The following NELL1 variants were observed in gnomAD, a reference collection of about 807,000 sequenced individuals.
NELL1 encodes the protein protein kinase C-binding protein NELL1.
A neutral mutation model predicts 107.4 loss-of-function variants in NELL1; 76 were observed. That is an observed-to-expected ratio of 0.71 (90% CI 0.59 to 0.86). The LOEUF is 0.86. Ranked by LOEUF, NELL1 falls within the 40% of genes least tolerant of loss-of-function variation. The pLI is 0.00. For synonymous variants in NELL1, 353 were observed against 341.2 expected (o/e 1.03, Z -0.38); for missense variants, 1,024 against 1,005.5 (o/e 1.02, Z -0.25).
In NELL1 at chr11:21,560,273, G is replaced by T; in HGVS notation, c.1871G>T (p.Cys624Phe). The stretch of plus-strand genomic sequence containing the variant: ...CTGGCAGGGGGCTTTGACTGTCTCT[G>T]CCCCTCTGGGCCCTCCTGCTCTGGT... ...INLAGGFDCL[C>F]PSGPSCSGDC... Residue 624 changes from cysteine (C) to phenylalanine (F), a missense_variant, in exon 17 of 20, where the codon TGC becomes TTC. Coordinates refer to ENST00000357134, the MANE Select transcript of NELL1 (RefSeq NM_006157.5). The T allele has an allele frequency of 6.2e-7, 1 of 1,613,580 alleles. No homozygotes were observed. The highest frequency in any genetic ancestry group is 8.5e-7 in the Non-Finnish European group (1 of 1,179,718).
At chr11:20,877,307 A>G (rs1849323072) in intron 4 of NELL1, among the ~76,000 whole-genome samples, 1 of 152,172 alleles carries the variant, frequency 6.6e-6, no homozygotes, top group Non-Finnish European at 1.5e-5. Context: ...TTACTGTCTC[A>G]TTTGGGCTTC....
chr11:21,347,160 C>A (rs1335701164), intron 14 of NELL1, among the ~76,000 whole-genome samples: 4 of 152,118 alleles, frequency 2.6e-5, no homozygotes, highest in Admixed American at 2.6e-4. Flanking sequence ...TCATGCAAGG[C>A]ATTTCCGAGG....
chr11:21,548,431 G>A (rs1199291371), intron 16 of NELL1, among the ~76,000 whole-genome samples: 3 of 151,812 alleles, frequency 2.0e-5, no homozygotes, highest in African/African-American at 7.3e-5. Flanking sequence ...CACATGGCTG[G>A]GGAGGCCTCA....
chr11:21,288,685 G>T (rs1849183612), intron 14 of NELL1, among the ~76,000 whole-genome samples: 1 of 152,190 alleles, frequency 6.6e-6, no homozygotes, highest in African/African-American at 2.4e-5. Context: ...GATTGTTTTG[G>T]TTGTCTATTG....
rs545680543 is a variant in NELL1, at chr11:21,405,730, C to G, written c.1645+34782C>G. Among the ~76,000 whole-genome samples, 3 of 152,030 alleles carry G rather than the reference C, an allele frequency of 2.0e-5. No homozygotes were observed. In the South Asian group the frequency reaches 6.2e-4, roughly 32 times the overall value. ...TTGATTTCTCAATGTGTTGAAAGAC[C>G]CTTGACCTGGTGAAAGATGGACACA... On this transcript the variant is annotated intron_variant, in intron 15 of 19. Transcript: ENST00000357134.
At chr11:20,898,079 C>A (rs1224826620) in intron 5 of NELL1, among the ~76,000 whole-genome samples, 1 of 152,100 alleles carries the variant, frequency 6.6e-6, no homozygotes, top group Admixed American at 6.5e-5. Flanking sequence ...GGTATATACC[C>A]AAAGGATTAT....
At chr11:21,173,498 C>G (rs994699286) in intron 13 of NELL1, among the ~76,000 whole-genome samples, 2 of 151,664 alleles carry the variant, frequency 1.3e-5, no homozygotes, top group Non-Finnish European at 2.9e-5. Context: ...TAATACCCAC[C>G]TTTTTCATGA....
chr11:20,783,979 T>C, intron 3 of NELL1, 149 bp downstream of exon 3: 1 of 716,106 alleles, frequency 1.4e-6, no homozygotes, highest in Non-Finnish European at 2.0e-6. Context: ...TTACTTTGCA[T>C]TAAGAATTTA....
intron 14 of NELL1, among the ~76,000 whole-genome samples, chr11:21,286,329 T>C (rs1216104932): frequency 1.3e-5 from 2 of 152,184 alleles, no homozygotes; most frequent in Non-Finnish European, 2.9e-5. Context: ...AAAATGACCC[T>C]GATAGTCACT....
chr11:21,018,609 T>C (rs1341418572), intron 12 of NELL1, among the ~76,000 whole-genome samples: 1 of 152,058 alleles, frequency 6.6e-6, no homozygotes, highest in South Asian at 2.1e-4. Context: ...TTTCTTTCAA[T>C]GTGGTAGGCA....
At chr11:21,554,973 A>G (rs1255241405) in intron 16 of NELL1, among the ~76,000 whole-genome samples, 1 of 151,974 alleles carries the variant, frequency 6.6e-6, no homozygotes, top group Non-Finnish European at 1.5e-5. Flanking sequence ...TACTTCTTCC[A>G]CTAAGGAGAA....
At position 21,288,602 on chromosome 11, in the gene NELL1, T is replaced by C. The variant is rs559283250; in HGVS notation, c.1549+59148T>C. On this transcript the variant is annotated intron_variant, in intron 14 of 19. Transcript: ENST00000357134. Reference sequence around the variant, plus strand: ...CATTGGATAAGTTGCTTAACCTCTCTGATTTCTAGTTGCTTATCTGTGCAA... The same window carrying C: ...CATTGGATAAGTTGCTTAACCTCTCCGATTTCTAGTTGCTTATCTGTGCAA... 6.6e-5 allele frequency among the ~76,000 whole-genome samples: 10 copies of C among 152,358 alleles called. No homozygotes were observed. The South Asian group carries it at 1.7e-3, about 25-fold the overall frequency.
At chr11:20,989,179 A>G (rs1851918343) in intron 12 of NELL1, among the ~76,000 whole-genome samples, 1 of 152,084 alleles carries the variant, frequency 6.6e-6, no homozygotes, top group African/African-American at 2.4e-5. Flanking sequence ...TGTTTTCCTC[A>G]GTTTCTGAAG....
chr11:21,194,449 C>A (rs183516675), intron 13 of NELL1, among the ~76,000 whole-genome samples: 5 of 133,528 alleles, frequency 3.7e-5, no homozygotes, highest in African/African-American at 1.1e-4. Context: ...ATGTCTGGAC[C>A]CCCCCATAGA....
intron 15 of NELL1, among the ~76,000 whole-genome samples, chr11:21,485,921 C>A (rs1311407044): frequency 6.6e-6 from 1 of 152,094 alleles, no homozygotes; most frequent in Non-Finnish European, 1.5e-5. Flanking sequence ...GCCAACCCAA[C>A]TGCTGATACT....
At chr11:20,899,876 A>C (rs756474856) in intron 5 of NELL1, among the ~76,000 whole-genome samples, 19 of 135,346 alleles carry the variant, frequency 1.4e-4, no homozygotes, top group Non-Finnish European at 2.8e-4. Flanking sequence ...CTAAAGCTAC[A>C]TGAATCGCCA....
At chr11:20,772,890 G>A (rs1185416349) in intron 2 of NELL1, among the ~76,000 whole-genome samples, 1 of 152,186 alleles carries the variant, frequency 6.6e-6, no homozygotes, top group Non-Finnish European at 1.5e-5. Flanking sequence ...TCTGTAAAAT[G>A]GAGATAGCAA....
chr11:20,899,539 A>T (rs1849826443), intron 5 of NELL1, among the ~76,000 whole-genome samples: 1 of 152,202 alleles, frequency 6.6e-6, no homozygotes. Context: ...TTAATGAGTT[A>T]AACATCCAAA....
chr11:20,819,668 G>T, intron 3 of NELL1, among the ~76,000 whole-genome samples: 1 of 152,160 alleles, frequency 6.6e-6, no homozygotes, highest in East Asian at 1.9e-4. Context: ...AGCCTTTATC[G>T]ATAAGTTCCC....
Sources: allele counts gnomAD v4.1 joint callset (sites outside exome capture counted in the v4.1 genomes callset), GRCh38; gene constraint gnomAD v4.1.1; transcripts MANE v1.5; gene names NCBI Gene and HGNC (gene_info 2026-07-23, HGNC 2026-07-21).